ANAPC1: variants seen among roughly 807,000 people sequenced by gnomAD.
The protein encoded by ANAPC1 is anaphase-promoting complex subunit 1.
A neutral mutation model predicts 208.0 loss-of-function variants in ANAPC1; 36 were observed. The observed-to-expected ratio is 0.17, with a 90% CI of 0.13 to 0.23. The LOEUF is 0.23. Among genes scored for constraint, ANAPC1 ranks in the 10% least tolerant of loss-of-function variants. The pLI is 1.00. For synonymous variants in ANAPC1, 378 were observed against 695.2 expected (o/e 0.54, Z 7.18); for missense variants, 942 against 2,011.6 (o/e 0.47, Z 10.17).
intron 11 of ANAPC1, among the ~76,000 whole-genome samples, chr2:111,857,719 C>T (rs1468857685): frequency 1.3e-5 from 2 of 152,160 alleles, no homozygotes; most frequent in Non-Finnish European, 2.9e-5. Flanking sequence ...TCACATATGT[C>T]CACATTTTTG....
chr2:111,779,801 T>C (rs1677182563), intron 44 of ANAPC1: 1 of 212,336 alleles, frequency 4.7e-6, no homozygotes, highest in Non-Finnish European at 9.5e-6. Flanking sequence ...CATGATCACG[T>C]CACTGCACTC....
rs142620627 is a variant in ANAPC1, at chr2:111,843,653, C to T, written c.1853-54G>A. The T allele has an allele frequency of 2.1e-3, 3,065 of 1,464,502 alleles. 65 individuals carry two copies. The East Asian group carries it at 0.051, about 24-fold the overall frequency. The allele number at this position is 1,464,502 out of a possible 1,614,324, so 90.7% of individuals were successfully genotyped here. ...TTCTTACTCTGCATGCATTTCTTTT[C>T]CCCTTTCAATCACCAAGTTTTTTAA... On this transcript the variant is annotated intron_variant, in intron 16 of 47. Coordinates refer to ENST00000341068, the MANE Select transcript of ANAPC1 (RefSeq NM_022662.4).
At chr2:111,849,378 G>A (rs1326240729) in intron 14 of ANAPC1, among the ~76,000 whole-genome samples, 1 of 152,074 alleles carries the variant, frequency 6.6e-6, no homozygotes. Context: ...CACTTCTCCA[G>A]TTCCCCCTTT....
At chr2:111,829,206 C>G (rs1429320390) in intron 21 of ANAPC1, among the ~76,000 whole-genome samples, 1 of 151,978 alleles carries the variant, frequency 6.6e-6, no homozygotes, top group Non-Finnish European at 1.5e-5. Flanking sequence ...AGAGTGACTC[C>G]GTCTCAAGAA....
chr2:111,879,805 G>C (rs1416596704), intron 2 of ANAPC1, among the ~76,000 whole-genome samples: 1 of 152,052 alleles, frequency 6.6e-6, no homozygotes, highest in Non-Finnish European at 1.5e-5. Context: ...CCAGGAGGCA[G>C]AGGTTGCGGT....
rs758047291 is a variant in ANAPC1 at position 111,859,176 on chromosome 2, C to A, written c.1263-775G>T. 5.7e-4 allele frequency among the ~76,000 whole-genome samples: 87 copies of A among 152,154 alleles called. 1 individual carries two copies. The highest frequency in any genetic ancestry group is 9.6e-4 in the Non-Finnish European group (65 of 68,038). On this transcript the variant is annotated intron_variant, in intron 10 of 47. Transcript: ENST00000341068. Reference sequence around the variant, plus strand: ...TGAAATCGTATCTCTAATTCCCAAACCCTTCCTTCTAAAGTGCTACAGAAG... The same window carrying A: ...TGAAATCGTATCTCTAATTCCCAAAACCTTCCTTCTAAAGTGCTACAGAAG...
At position 111,862,454 on chromosome 2, in the gene ANAPC1, T is replaced by C; in HGVS notation, c.1197A>G (p.Glu399=). 6.2e-7 allele frequency: 1 copy of C among 1,611,254 alleles called. No homozygotes were observed. Among genetic ancestry groups the C allele is most frequent in the Non-Finnish European group, 8.5e-7 (1 of 1,179,360 alleles). ...ACAGTTCAGGAACAATTGGCTCCGT[T>C]TCTGGTGCAAGAAAGGAGCCATTAG... ...SNSNGSFLAP[E]TEPIVPELCI... is the part of the protein sequence containing the mutation. Residue 399 remains glutamate (E), a synonymous_variant, in exon 10 of 48, where the codon GAA becomes GAG. Transcript: ENST00000341068.
intron 29 of ANAPC1, among the ~76,000 whole-genome samples, chr2:111,807,655 G>C (rs1282533394): frequency 6.6e-6 from 1 of 151,368 alleles, no homozygotes. Context: ...TTGCACCACT[G>C]TACTCCAGGC....
At position 111,838,085 on chromosome 2, in the gene ANAPC1, C is replaced by CAAAA. The variant is rs57089465; in HGVS notation, c.2115+349_2115+352dup. 2.5e-3 allele frequency among the ~76,000 whole-genome samples: 263 copies of CAAAA among 103,504 alleles called. 21 individuals are homozygous for CAAAA. The highest frequency in any genetic ancestry group is 9.1e-3 in the Admixed American group (79 of 8,678). The allele number at this position is 103,504 out of a possible 152,430, so 67.9% of individuals were successfully genotyped here. ...GGGCAACAAGAGTGATACTCCGTCT[C>CAAAA]AAAAAAAAAAAGGAATATACCATGG... On this transcript the variant is annotated intron_variant, in intron 18 of 47. Transcript: ENST00000341068.
chr2:111,863,884 A>C lies in ANAPC1; in HGVS notation c.843T>G (p.Val281=), dbSNP rs772903765. 12 of 1,604,630 alleles carry C rather than the reference A, an allele frequency of 7.5e-6. No individual in the cohort carries two copies. Among genetic ancestry groups the C allele is most frequent in the Non-Finnish European group, 1.0e-5 (12 of 1,177,216 alleles). The part of the protein sequence containing the change: ...LRRVKSEEEN[V]VLKFSEQGGT... ...CCCCCTGTTCAGAGAACTTTAAAAC[A>C]ACATTCTCTTCCTTAAGTCAAAATA... The change falls in exon 9 of 48, where the codon GTT becomes GTG. Residue 281 remains valine (V), a synonymous_variant. Transcript: ENST00000341068.
At chr2:111,813,409 G>T (rs1229419838) in intron 28 of ANAPC1, among the ~76,000 whole-genome samples, 4 of 152,084 alleles carry the variant, frequency 2.6e-5, no homozygotes, top group Non-Finnish European at 5.9e-5. Flanking sequence ...ATGGCTCCAG[G>T]ACAGACTCTT....
intron 28 of ANAPC1, among the ~76,000 whole-genome samples, chr2:111,810,302 T>TGG (rs1040653452): frequency 2.9e-3 from 230 of 79,130 alleles, no homozygotes; most frequent in African/African-American, 9.7e-3. Context: ...GAAGTGAAGG[T>TGG]GGGGGGGGGT....
downstream of ANAPC1, chr2:111,766,545 T>TC (rs1209170567): frequency 5.6e-6 from 1 of 179,378 alleles, no homozygotes; most frequent in Non-Finnish European, 1.2e-5. Context: ...TTCTGTGTCC[T>TC]CCCCCACAGC....
intron 37 of ANAPC1, among the ~76,000 whole-genome samples, chr2:111,793,223 T>C (rs150754625): frequency 0.071 from 10,753 of 151,526 alleles, 515 homozygotes; most frequent in South Asian, 0.21. Context: ...CAAAAAAAAG[T>C]TGTTTCTTTT....
At chr2:111,866,073 G>A (rs1322980223) in intron 7 of ANAPC1, 17 of 175,276 alleles carry the variant, frequency 9.7e-5, no homozygotes, top group East Asian at 5.5e-4. Flanking sequence ...TCATGGTGGC[G>A]GGCCCCTGTA....
At chr2:111,797,445 C>T (rs1177467104) in intron 34 of ANAPC1, among the ~76,000 whole-genome samples, 8 of 149,040 alleles carry the variant, frequency 5.4e-5, no homozygotes, top group Admixed American at 5.3e-4. Flanking sequence ...AAACTAAAAT[C>T]TCTGACATCT....
chr2:111,835,338 A>AT (rs1484057923), intron 18 of ANAPC1, among the ~76,000 whole-genome samples: 1 of 152,150 alleles, frequency 6.6e-6, no homozygotes, highest in Non-Finnish European at 1.5e-5. Context: ...TAATCAACTG[A>AT]TTTTTATATT....
chr2:111,808,644 A>G (rs1311512867), intron 29 of ANAPC1, among the ~76,000 whole-genome samples: 3 of 152,146 alleles, frequency 2.0e-5, no homozygotes, highest in Non-Finnish European at 2.9e-5. Flanking sequence ...ACTGCTGGTA[A>G]AGCAGGATAA....
rs1461770276 is a variant in ANAPC1 at position 111,826,663 on chromosome 2, TTA to T, written c.2626-810_2626-809del. On this transcript the variant is annotated intron_variant, in intron 21 of 47. Coordinates refer to ENST00000341068, the MANE Select transcript of ANAPC1 (RefSeq NM_022662.4). The stretch of plus-strand genomic sequence containing the variant: ...GACCAAAGCTGCTTTATTTATTTAT[TTA>T]TTTTTTTTTTTTTTGAGACGGAGTC... Among the ~76,000 whole-genome samples the T allele has an allele frequency of 6.4e-4, 77 of 120,782 alleles. 1 individual carries two copies. In the South Asian group the frequency reaches 0.018, roughly 29 times the overall value. The allele number at this position is 120,782 out of a possible 152,430, so 79.2% of individuals were successfully genotyped here.
Sources: gnomAD v4.1 joint callset for allele counts (sites outside exome capture counted in the v4.1 genomes callset) on GRCh38, gnomAD v4.1.1 for gene constraint, MANE v1.5 for transcripts, NCBI Gene and HGNC (gene_info 2026-07-23, HGNC 2026-07-21) for gene names.